Variants in PIK3C2B observed in about 807,000 individuals in gnomAD.
PIK3C2B encodes phosphatidylinositol 4-phosphate 3-kinase C2 domain-containing subunit beta.
PIK3C2B carries 83 observed loss-of-function variants against 184.3 expected under a neutral mutation model. The ratio of observed to expected loss-of-function variants is 0.45; its 90% confidence interval spans 0.38 to 0.54. The LOEUF (loss-of-function observed/expected upper bound fraction) is 0.54, where lower values mean the gene tolerates loss of function less well. Ranked by LOEUF, PIK3C2B falls within the 20% of genes least tolerant of loss-of-function variation. The pLI is 0.00. For synonymous variants in PIK3C2B, 779 were observed against 837.6 expected (o/e 0.93, Z 1.21); for missense variants, 1,736 against 2,113.5 (o/e 0.82, Z 3.50).
At chr1:204,463,679 AC>A (rs1655513086) in intron 5 of PIK3C2B, among the ~76,000 whole-genome samples, 1 of 152,132 alleles carries the variant, frequency 6.6e-6, no homozygotes, top group Non-Finnish European at 1.5e-5. Flanking sequence ...GAGATACAGC[AC>A]TACCCATATA....
chr1:204,433,507 T>C lies in PIK3C2B; in HGVS notation c.3844-82A>G. 3.2e-6 allele frequency: 3 copies of C among 930,962 alleles called. No homozygotes were observed. In the South Asian group the frequency reaches 4.1e-5, roughly 13 times the overall value. The allele number at this position is 930,962 out of a possible 1,614,324, so 57.7% of individuals were successfully genotyped here. A position where few individuals can be genotyped will look rare whatever the true frequency, so the allele number is the denominator to read the frequency against. On this transcript the variant is annotated intron_variant, in intron 25 of 32. Coordinates refer to ENST00000684373, the MANE Select transcript of PIK3C2B (RefSeq NM_001377334.1). The surrounding 1 kb of genome is among the most constrained non-coding windows in gnomAD (Gnocchi z 5.0). ...GCTTCTCTACCCTTAGGCAAGGTTT[T>C]CTACAGCTAGGCTCCCTAACCCTTC...
rs540506680 is a variant in PIK3C2B at position 204,443,370 on chromosome 1, C to T, written c.3048+47G>A. 10 of 1,562,010 alleles carry T rather than the reference C, an allele frequency of 6.4e-6. No individual in the cohort carries two copies. In the South Asian group the frequency reaches 1.1e-4, roughly 18 times the overall value. On this transcript the variant is annotated intron_variant, in intron 19 of 32. Coordinates refer to ENST00000684373, the MANE Select transcript of PIK3C2B (RefSeq NM_001377334.1). ...GGATTCCTAAGAAGAAACTGGCTGCCAAAGCCCTGGATGAGAAATGGGTAG... is the reference window on the plus strand; with the variant it reads ...GGATTCCTAAGAAGAAACTGGCTGCTAAAGCCCTGGATGAGAAATGGGTAG...
intron 15 of PIK3C2B, among the ~76,000 whole-genome samples, chr1:204,446,605 G>C (rs1432007616): frequency 6.6e-6 from 1 of 151,692 alleles, no homozygotes; most frequent in Non-Finnish European, 1.5e-5. Flanking sequence ...GCTGCTGAGA[G>C]GCCTCCTGGG....
chr1:204,474,075 T>C (rs1219621620), intron 1 of PIK3C2B, among the ~76,000 whole-genome samples: 6 of 142,110 alleles, frequency 4.2e-5, no homozygotes. Flanking sequence ...CACCGCAAGC[T>C]CCGCCTCCCG....
rs747585994 is a variant in PIK3C2B, at chr1:204,460,625, G to T, written c.1347C>A (p.Tyr449Ter). 6.2e-7 allele frequency: 1 copy of T among 1,614,036 alleles called. No homozygotes were observed. The highest frequency in any genetic ancestry group is 8.5e-7 in the Non-Finnish European group (1 of 1,179,890). The change falls in exon 6 of 33, where the codon TAC (tyrosine) becomes TAA (stop). Residue 449 changes from tyrosine to a stop codon, truncating the protein, a stop_gained. Coordinates refer to ENST00000684373, the MANE Select transcript of PIK3C2B (RefSeq NM_001377334.1). LOFTEE classifies it high-confidence loss of function. ...GAATGTCAATGTCAAACTTGCGGCAGTATTGGATGTACTCATGACTGCCCA... is the reference window on the plus strand; with the variant it reads ...GAATGTCAATGTCAAACTTGCGGCATTATTGGATGTACTCATGACTGCCCA... The part of the protein sequence containing the change: ...HALGSHEYIQ[Y>*]CRKFDIDIRL...
At chr1:204,490,533 AT>A (rs1299352491) in intron 1 of PIK3C2B, 2 of 152,200 alleles carry the variant, frequency 1.3e-5, no homozygotes, top group African/African-American at 2.4e-5. Context: ...CAGTTCCAGC[AT>A]TGCTACTAAC....
At chr1:204,462,954 G>A (rs534016460) in intron 5 of PIK3C2B, among the ~76,000 whole-genome samples, 3 of 152,290 alleles carry the variant, frequency 2.0e-5, no homozygotes, top group African/African-American at 7.2e-5. Context: ...CTACTCAGGA[G>A]GCTGAGGCAT....
In PIK3C2B at chr1:204,494,520, C is replaced by G. The variant is rs886895753; in HGVS notation, c.-249G>C. 1 of 151,910 alleles carries G rather than the reference C, an allele frequency of 6.6e-6. No homozygotes were observed. The highest frequency in any genetic ancestry group is 1.5e-5 in the Non-Finnish European group (1 of 68,060). 9.4% of individuals were successfully genotyped at this position (151,910 alleles called of 1,614,324 possible). On this transcript the variant is annotated 5_prime_UTR_variant, in exon 1 of 33. Transcript: ENST00000684373. ...ACGCCGCCTGCTCCCGGGCCGCTCC[C>G]CTCTCCAGGCTCCGCACAGACCCTA...
chr1:204,423,485 G>C lies in PIK3C2B; in HGVS notation c.*1367C>G, dbSNP rs1284700246. The C allele has an allele frequency of 6.7e-6, 1 of 150,102 alleles. No individual in the cohort carries two copies. The highest frequency in any genetic ancestry group is 1.5e-5 in the Non-Finnish European group (1 of 67,844). 9.3% of individuals were successfully genotyped at this position (150,102 alleles called of 1,614,324 possible). On this transcript the variant is annotated 3_prime_UTR_variant, in exon 33 of 33. Coordinates refer to ENST00000684373, the MANE Select transcript of PIK3C2B (RefSeq NM_001377334.1). ...AAAAATCCATCTGGTAGGGAATAAAGAATATGAAGAGATAAGGGAGTCAGT... is the reference window on the plus strand; with the variant it reads ...AAAAATCCATCTGGTAGGGAATAAACAATATGAAGAGATAAGGGAGTCAGT...
Position 204,447,678 on chromosome 1 carries a change from T to A in PIK3C2B, c.2347-100A>T, listed in dbSNP as rs1416126959. 1 of 780,102 alleles carries A rather than the reference T, an allele frequency of 1.3e-6. No individual in the cohort carries two copies. The highest frequency in any genetic ancestry group is 2.1e-6 in the Non-Finnish European group (1 of 471,076). The allele number at this position is 780,102 out of a possible 1,614,324, so 48.3% of individuals were successfully genotyped here. ...CCAGCATTCCGGCCTTGTCCCTCCC[T>A]CACTTTCCCTCAGGTTCTTTGTAAA... On this transcript the variant is annotated intron_variant, in intron 14 of 32. Transcript: ENST00000684373. This position sits in a 1 kb window ranked among gnomAD's most constrained non-coding sequence, Gnocchi z 4.1.
At chr1:204,448,763 C>A (rs1310094818) in intron 14 of PIK3C2B, among the ~76,000 whole-genome samples, 1 of 152,122 alleles carries the variant, frequency 6.6e-6, no homozygotes. Flanking sequence ...TGGGCGTGAC[C>A]AGCTCCTCCT....
chr1:204,474,729 T>C (rs1487811661), intron 1 of PIK3C2B, among the ~76,000 whole-genome samples: 1 of 152,100 alleles, frequency 6.6e-6, no homozygotes, highest in East Asian at 1.9e-4. Flanking sequence ...CTATCCATAC[T>C]ACTCACATGT....
chr1:204,458,302 C>A (rs1231566076), intron 8 of PIK3C2B, among the ~76,000 whole-genome samples: 1 of 152,150 alleles, frequency 6.6e-6, no homozygotes, highest in Non-Finnish European at 1.5e-5. Flanking sequence ...CTCTGATTAC[C>A]TATGTACATT....
At chr1:204,483,052 C>T (rs1161527094) in intron 1 of PIK3C2B, among the ~76,000 whole-genome samples, 9 of 152,128 alleles carry the variant, frequency 5.9e-5, no homozygotes, top group Non-Finnish European at 1.2e-4. Context: ...CTTAGGGCCC[C>T]AAAGCCATGG....
At chr1:204,443,379 G>C (rs1471013102) in intron 19 of PIK3C2B, 38 bp downstream of exon 19, 1 of 1,579,508 alleles carries the variant, frequency 6.3e-7, no homozygotes, top group Admixed American at 1.7e-5. Context: ...CCAAAGCCCT[G>C]GATGAGAAAT....
chr1:204,450,279 C>T lies in PIK3C2B; in HGVS notation c.2067-262G>A, dbSNP rs549116391. ...TGAGGCGAACATCCCGATTTTGAAG[C>T]TACCCGTGGTGCCTGGACAGAACTT... On this transcript the variant is annotated intron_variant, in intron 12 of 32. Coordinates refer to ENST00000684373, the MANE Select transcript of PIK3C2B (RefSeq NM_001377334.1). 8.8e-4 allele frequency: 362 copies of T among 410,750 alleles called. 1 individual carries two copies. The highest frequency in any genetic ancestry group is 1.4e-3 in the Non-Finnish European group (323 of 229,468). The allele number at this position is 410,750 out of a possible 1,614,324, so 25.4% of individuals were successfully genotyped here. A position where few individuals can be genotyped will look rare whatever the true frequency, so the allele number is the denominator to read the frequency against.
In PIK3C2B at chr1:204,433,287, G is replaced by A; in HGVS notation, c.3953+29C>T. ...GGCTGGGAATTACTCAGGGTGGGCA[G>A]TGCTGATTCGCTCAGGGAATCATTT... is the stretch of plus-strand genomic sequence containing the variant. On this transcript the variant is annotated intron_variant, in intron 26 of 32. Transcript: ENST00000684373. The surrounding 1 kb of genome is among the most constrained non-coding windows in gnomAD (Gnocchi z 5.0). 1 of 1,194,392 alleles carries A rather than the reference G, an allele frequency of 8.4e-7. No individual in the cohort carries two copies. The highest frequency in any genetic ancestry group is 1.3e-6 in the Non-Finnish European group (1 of 799,268). 74.0% of individuals were successfully genotyped at this position (1,194,392 alleles called of 1,614,324 possible). A position where few individuals can be genotyped will look rare whatever the true frequency, so the allele number is the denominator to read the frequency against.
chr1:204,447,569 G>A lies in PIK3C2B; in HGVS notation c.2356C>T (p.Pro786Ser), dbSNP rs759392869. 1 of 1,608,238 alleles carries A rather than the reference G, an allele frequency of 6.2e-7. No individual in the cohort carries two copies. The highest frequency in any genetic ancestry group is 2.2e-5 in the East Asian group (1 of 44,860). ...AACTTGATGTCAAAGGCCGAGGTGGGGAAGTCAATCTGGGGGATGAGATCA... is the reference window on the plus strand; with the variant it reads ...AACTTGATGTCAAAGGCCGAGGTGGAGAAGTCAATCTGGGGGATGAGATCA... ...PDSVILQIDF[P>S]TSAFDIKFTS... Residue 786 changes from proline to serine, a missense_variant, in exon 15 of 33, where the codon CCC becomes TCC. This residue lies in a region of PIK3C2B where 609 missense variants were observed against 699.2 expected (regional missense o/e 0.87). Transcript: ENST00000684373. The surrounding 1 kb of genome is among the most constrained non-coding windows in gnomAD (Gnocchi z 4.1).
chr1:204,474,568 A>C (rs1447570056), intron 1 of PIK3C2B, among the ~76,000 whole-genome samples: 1 of 152,088 alleles, frequency 6.6e-6, no homozygotes, highest in East Asian at 1.9e-4. Context: ...GCTTTCATGA[A>C]GATATTTTTT....
Sources: allele counts gnomAD v4.1 joint callset (sites outside exome capture counted in the v4.1 genomes callset), GRCh38; gene constraint gnomAD v4.1.1; regional missense constraint gnomAD v4.1.1; non-coding constraint Gnocchi (gnomAD v3.1); transcripts MANE v1.5; gene names NCBI Gene and HGNC (gene_info 2026-07-23, HGNC 2026-07-21).